The following CDK6 variants were observed in gnomAD, a reference collection of about 807,000 sequenced individuals.
CDK6 encodes the protein cyclin dependent kinase 6, also known as cyclin-dependent kinase 6.
CDK6 carries 6 observed loss-of-function variants against 37.1 expected under a neutral mutation model. The ratio of observed to expected loss-of-function variants is 0.16; its 90% CI spans 0.09 to 0.32. The LOEUF is 0.32. Among genes scored for constraint, CDK6 ranks in the 10% least tolerant of loss-of-function variants. The pLI is 1.00. For synonymous variants in CDK6, 160 were observed against 161.3 expected, an observed-to-expected ratio of 0.99 and a Z score of 0.06; for missense variants, 224 against 418.9, an observed-to-expected ratio of 0.53 and a Z score of 4.06.
chr7:92,639,949 A>C (rs973870765), intron 5 of CDK6, among the ~76,000 whole-genome samples: 1 of 152,148 alleles, frequency 6.6e-6, no homozygotes, highest in African/African-American at 2.4e-5. Flanking sequence ...TTATGGTATA[A>C]TTTTTCTGAT....
At chr7:92,780,513 C>T (rs1282235410) in intron 2 of CDK6, among the ~76,000 whole-genome samples, 3 of 152,164 alleles carry the variant, frequency 2.0e-5, no homozygotes, top group Non-Finnish European at 4.4e-5. Flanking sequence ...GTAATCCTAG[C>T]ACTTTGGGAG....
In CDK6 at chr7:92,799,696, C is replaced by A. The variant is rs570368176; in HGVS notation, c.234-24865G>T. Among the ~76,000 whole-genome samples, 11 of 152,228 alleles carry A rather than the reference C, an allele frequency of 7.2e-5. No homozygotes were observed. In the South Asian group the frequency reaches 2.3e-3, roughly 32 times the overall value. ...GACAGCCTAGTCATGTGCTCAGTAACCACACTGGGGCATTCGTGATTTTCT... is the reference window on the plus strand; with the variant it reads ...GACAGCCTAGTCATGTGCTCAGTAAACACACTGGGGCATTCGTGATTTTCT... On this transcript the variant is annotated intron_variant, in intron 2 of 7. Transcript: ENST00000424848.
intron 3 of CDK6, among the ~76,000 whole-genome samples, chr7:92,747,031 C>G (rs1799076851): frequency 6.6e-6 from 1 of 152,092 alleles, no homozygotes; most frequent in Non-Finnish European, 1.5e-5. Flanking sequence ...TTCCATGACT[C>G]CTCAAAGGTT....
intron 4 of CDK6, among the ~76,000 whole-genome samples, chr7:92,685,767 T>A (rs1183331502): frequency 6.6e-6 from 1 of 152,228 alleles, no homozygotes; most frequent in Non-Finnish European, 1.5e-5. Flanking sequence ...AGTTTCTATC[T>A]TAAATCAGCA....
chr7:92,702,512 C>A (rs1254316438), intron 4 of CDK6, among the ~76,000 whole-genome samples: 1 of 152,036 alleles, frequency 6.6e-6, no homozygotes, highest in Non-Finnish European at 1.5e-5. Flanking sequence ...GGATTACAGG[C>A]ATGAGCTACC....
chr7:92,745,012 T>C (rs1799025381), intron 3 of CDK6, among the ~76,000 whole-genome samples: 3 of 152,274 alleles, frequency 2.0e-5, no homozygotes, highest in South Asian at 2.1e-4. Context: ...TGAGGTGCAA[T>C]GTGATGTTTT....
At chr7:92,797,907 C>T (rs1177727167) in intron 2 of CDK6, among the ~76,000 whole-genome samples, 1 of 152,154 alleles carries the variant, frequency 6.6e-6, no homozygotes, top group Non-Finnish European at 1.5e-5. Context: ...ATCTTGGACA[C>T]CTTCGATGTG....
intron 2 of CDK6, among the ~76,000 whole-genome samples, chr7:92,827,130 G>A (rs1399025192): frequency 6.6e-6 from 1 of 152,126 alleles, no homozygotes; most frequent in Non-Finnish European, 1.5e-5. Flanking sequence ...CTAACAGTGA[G>A]ATAATTTTTT....
rs530860761 is a variant in CDK6, at chr7:92,613,739, A to G, written c.*1401T>C. The G allele has an allele frequency of 4.3e-6, 1 of 233,172 alleles. No individual in the cohort carries two copies. Among genetic ancestry groups the G allele is most frequent in the South Asian group, 1.8e-4 (1 of 5,528 alleles). 14.4% of individuals were successfully genotyped at this position (233,172 alleles called of 1,614,324 possible). On this transcript the variant is annotated 3_prime_UTR_variant, in exon 8 of 8. Transcript: ENST00000424848. ...TATCTTCTATAAAAATGTAATTCAC[A>G]AAGTAACAGTTTATAGCAATCTGTG...
chr7:92,799,555 G>A (rs1800515184), intron 2 of CDK6, among the ~76,000 whole-genome samples: 1 of 151,100 alleles, frequency 6.6e-6, no homozygotes, highest in African/African-American at 2.4e-5. Context: ...TTAATATACA[G>A]GGTCCTATTT....
chr7:92,656,296 C>T (rs1796696500), intron 5 of CDK6, among the ~76,000 whole-genome samples: 1 of 152,092 alleles, frequency 6.6e-6, no homozygotes, highest in South Asian at 2.1e-4. Context: ...ATAGGAACAC[C>T]AGATGGGAGG....
At chr7:92,804,848 C>A (rs1437174875) in intron 2 of CDK6, among the ~76,000 whole-genome samples, 1 of 152,100 alleles carries the variant, frequency 6.6e-6, no homozygotes, top group African/African-American at 2.4e-5. Flanking sequence ...ACTCTACCGC[C>A]CCAGTTGTGA....
chr7:92,618,257 T>C (rs2116485368), intron 6 of CDK6, 50 bp from the exon 7 acceptor site: 1 of 1,592,460 alleles, frequency 6.3e-7, no homozygotes, highest in Middle Eastern at 2.0e-4. Context: ...ATGCAGAAGC[T>C]GTTTTCTCAT....
intron 5 of CDK6, among the ~76,000 whole-genome samples, chr7:92,644,155 A>T (rs533653470): frequency 6.6e-5 from 10 of 152,200 alleles, no homozygotes; most frequent in Admixed American, 4.6e-4. Context: ...GTGAGTCCTG[A>T]CCTACCTTCT....
intron 3 of CDK6, among the ~76,000 whole-genome samples, chr7:92,746,659 T>G (rs1482332616): frequency 6.6e-6 from 1 of 152,218 alleles, no homozygotes; most frequent in Non-Finnish European, 1.5e-5. Context: ...GCATTTCAGA[T>G]AAGAGATACT....
At chr7:92,795,086 G>C (rs1800375699) in intron 2 of CDK6, among the ~76,000 whole-genome samples, 1 of 152,060 alleles carries the variant, frequency 6.6e-6, no homozygotes, top group Non-Finnish European at 1.5e-5. Flanking sequence ...AGTCACATGG[G>C]ATAAGGCAAT....
chr7:92,762,336 T>C (rs1179549630), intron 3 of CDK6, among the ~76,000 whole-genome samples: 1 of 151,700 alleles, frequency 6.6e-6, no homozygotes, highest in Admixed American at 6.6e-5. Flanking sequence ...TTCCCTATTC[T>C]TGAACCCCAT....
chr7:92,831,752 T>C (rs562541100), intron 2 of CDK6, among the ~76,000 whole-genome samples: 2 of 152,346 alleles, frequency 1.3e-5, no homozygotes, highest in Non-Finnish European at 2.9e-5. Context: ...TGATGCCTTC[T>C]AGCTTGAGTC....
intron 5 of CDK6, among the ~76,000 whole-genome samples, chr7:92,625,537 A>AAAAC (rs1562914721): frequency 5.3e-5 from 8 of 150,320 alleles, no homozygotes; most frequent in South Asian, 4.2e-4. Context: ...TTTTGCAAAA[A>AAAAC]AAAACAAAAC....
Sources: gnomAD v4.1 joint callset for allele counts (sites outside exome capture counted in the v4.1 genomes callset) on GRCh38, gnomAD v4.1.1 for gene constraint, MANE v1.5 for transcripts, NCBI Gene and HGNC (gene_info 2026-07-23, HGNC 2026-07-21) for gene names.